Variants in CLUAP1 observed in about 807,000 individuals in gnomAD.
CLUAP1 encodes the protein intraflagellar transport 38, also known as clusterin-associated protein 1.
CLUAP1 carries 50 observed loss-of-function variants against 55.0 expected under a neutral mutation model. The ratio of observed to expected loss-of-function variants is 0.91; its 90% CI spans 0.72 to 1.15. CLUAP1 has a LOEUF of 1.15. CLUAP1 is among the 50% of genes most tolerant of loss of function. The pLI is 0.00. For missense variants in CLUAP1, 530 were observed against 507.6 expected (o/e 1.04, Z -0.42); for synonymous variants, 195 against 175.4 (o/e 1.11, Z -0.88).
At chr16:3,498,255 T>C (rs1332483898), upstream of CLUAP1, among the ~76,000 whole-genome samples, 1 of 151,968 alleles carries the variant, frequency 6.6e-6, no homozygotes, top group Non-Finnish European at 1.5e-5. Flanking sequence ...ACCCAGCAGA[T>C]TGGATGATGC....
chr16:3,495,544 A>T, the CLUAP1 span: 2 of 1,512,234 alleles, frequency 1.3e-6, no homozygotes, highest in East Asian at 2.5e-5. Context: ...CATCACGGGG[A>T]AGACTCCCAG....
intron 3 of CLUAP1, among the ~76,000 whole-genome samples, chr16:3,507,758 G>T (rs1484688943): frequency 1.3e-5 from 2 of 150,034 alleles, no homozygotes; most frequent in Non-Finnish European, 3.0e-5. Context: ...TTACACAAAT[G>T]GTACTGTATT....
intron 10 of CLUAP1, among the ~76,000 whole-genome samples, chr16:3,531,380 G>T (rs955209607): frequency 1.3e-5 from 2 of 152,116 alleles, no homozygotes; most frequent in Non-Finnish European, 2.9e-5. Flanking sequence ...AAATTAGTTG[G>T]GCGCAATGGC....
chr16:3,501,639 G>A (rs1337910000), intron 1 of CLUAP1, among the ~76,000 whole-genome samples: 3 of 152,162 alleles, frequency 2.0e-5, no homozygotes, highest in African/African-American at 4.8e-5. Flanking sequence ...AAAATTAGCC[G>A]GGGGTGGTGG....
intron 4 of CLUAP1, among the ~76,000 whole-genome samples, chr16:3,508,735 C>T (rs1226089569): frequency 6.6e-6 from 1 of 152,158 alleles, no homozygotes; most frequent in Admixed American, 6.6e-5. Flanking sequence ...TGTTTATTCT[C>T]TTCAGTTAGG....
intron 9 of CLUAP1, among the ~76,000 whole-genome samples, chr16:3,526,952 G>C (rs191791658): frequency 6.6e-6 from 1 of 152,218 alleles, no homozygotes; most frequent in African/African-American, 2.4e-5. Context: ...GAGAGGGGCC[G>C]CTCGCTTTGT....
intron 5 of CLUAP1, 141 bp from the exon 6 acceptor site, chr16:3,515,367 G>T (rs1596391183): frequency 1.7e-6 from 1 of 601,302 alleles, no homozygotes; most frequent in Non-Finnish European, 2.9e-6. Flanking sequence ...AGGAGGTGAT[G>T]GTGGCAGTGT....
Position 3,506,372 on chromosome 16 carries a change from A to T in CLUAP1, c.176A>T (p.Glu59Val), listed in dbSNP as rs1284141430. ...GACATCCCGCCTGACGTGGATACTGAACAGGACCGAGTTTTCTTCATTAAG... is the reference window on the plus strand; with the variant it reads ...GACATCCCGCCTGACGTGGATACTGTACAGGACCGAGTTTTCTTCATTAAG... ...QTDIPPDVDTEQDRVFFIKAI... is the reference protein window; with the variant it reads ...QTDIPPDVDTVQDRVFFIKAI... The change falls in exon 3 of 12, where the codon GAA becomes GTA. Residue 59 changes from glutamate to valine, a missense_variant. By Grantham distance (121) the Glu-to-Val change is moderately radical. Coordinates refer to ENST00000576634, the MANE Select transcript of CLUAP1 (RefSeq NM_015041.3). 2 of 1,614,112 alleles carry T rather than the reference A, an allele frequency of 1.2e-6. No homozygotes were observed. The highest frequency in any genetic ancestry group is 2.2e-5 in the South Asian group (2 of 91,076).
chr16:3,518,735 C>T (rs1298164261), intron 6 of CLUAP1, among the ~76,000 whole-genome samples: 1 of 152,180 alleles, frequency 6.6e-6, no homozygotes, highest in African/African-American at 2.4e-5. Context: ...ATGAAAGTAT[C>T]TTAGAAGTGG....
At chr16:3,533,034 A>G in intron 11 of CLUAP1, 193 bp downstream of exon 11, 2 of 1,456,984 alleles carry the variant, frequency 1.4e-6, no homozygotes, top group Non-Finnish European at 1.9e-6. Context: ...ATCTCTTTTC[A>G]AGTGAATGTG....
At chr16:3,497,212 G>GA (rs372521770), upstream of CLUAP1, among the ~76,000 whole-genome samples, 174 of 146,258 alleles carry the variant, frequency 1.2e-3, no homozygotes, top group Non-Finnish European at 1.6e-3. Flanking sequence ...ATTCATACTT[G>GA]AAAAAAAAAA....
Position 3,515,606 on chromosome 16 carries a change from C to T in CLUAP1, c.579+15C>T, listed in dbSNP as rs773814386. On this transcript the variant is annotated intron_variant, in intron 6 of 11. Transcript: ENST00000576634. Reference sequence around the variant, plus strand: ...AAGAGATTTTGGTAAGATGACTTTGCTTTTATATAATGTTTTTTATGCCTG... The same window carrying T: ...AAGAGATTTTGGTAAGATGACTTTGTTTTTATATAATGTTTTTTATGCCTG... 3.9e-6 allele frequency: 6 copies of T among 1,550,630 alleles called. No individual in the cohort carries two copies. Among genetic ancestry groups the T allele is most frequent in the East Asian group, 2.3e-5 (1 of 43,476 alleles).
chr16:3,518,218 T>TA (rs912461292), intron 6 of CLUAP1, among the ~76,000 whole-genome samples: 8 of 151,854 alleles, frequency 5.3e-5, no homozygotes, highest in Admixed American at 2.6e-4. Flanking sequence ...ATTTAAAAAT[T>TA]AAAAAAAAAT....
At chr16:3,503,825 G>T (rs922813351) in intron 1 of CLUAP1, among the ~76,000 whole-genome samples, 9 of 152,118 alleles carry the variant, frequency 5.9e-5, no homozygotes, top group African/African-American at 2.2e-4. Context: ...TGACTTTGCT[G>T]TTTCCTGTGC....
intron 11 of CLUAP1, chr16:3,534,351 G>C (rs1324413981): frequency 6.5e-6 from 1 of 153,192 alleles, no homozygotes; most frequent in East Asian, 1.9e-4. Flanking sequence ...CGGCACCTGG[G>C]CATGTGGAAT....
In CLUAP1 at chr16:3,514,289, C is replaced by T. The variant is rs112281103; in HGVS notation, c.496-1219C>T. The stretch of plus-strand genomic sequence containing the variant: ...GAAGTAACCAGTGGCTGAAACTGTT[C>T]CCAAGGAAACCATGAGACCCTGAAT... On this transcript the variant is annotated intron_variant, in intron 5 of 11. Transcript: ENST00000576634. 5.6e-3 allele frequency among the ~76,000 whole-genome samples: 850 copies of T among 152,304 alleles called. 3 individuals carry two copies. The highest frequency in any genetic ancestry group is 8.2e-3 in the Non-Finnish European group (560 of 68,026).
chr16:3,536,687 T>C lies in CLUAP1; in HGVS notation c.*416T>C, dbSNP rs1388691243. On this transcript the variant is annotated 3_prime_UTR_variant, in exon 12 of 12. Coordinates refer to ENST00000576634, the MANE Select transcript of CLUAP1 (RefSeq NM_015041.3). ...TCATGTTTGGAATCGTAGGGGAACA[T>C]CTGGCTGTTAATCACTTGCACAGTT... 6 of 164,336 alleles carry C rather than the reference T, an allele frequency of 3.7e-5. No individual in the cohort carries two copies. The highest frequency in any genetic ancestry group is 2.7e-5 in the Non-Finnish European group (2 of 74,956). The allele number at this position is 164,336 out of a possible 1,614,324, so 10.2% of individuals were successfully genotyped here.
intron 4 of CLUAP1, among the ~76,000 whole-genome samples, chr16:3,510,514 A>G: frequency 6.6e-6 from 1 of 152,092 alleles, no homozygotes; most frequent in Non-Finnish European, 1.5e-5. Context: ...TTGATGGTAG[A>G]TCTCACGGGA....
chr16:3,532,819 A>G lies in CLUAP1; in HGVS notation c.1070A>G (p.Gln357Arg), dbSNP rs2038153480. Residue 357 changes from glutamine to arginine, a missense_variant, in exon 11 of 12, where the codon CAA becomes CGA. Transcript: ENST00000576634. ...RPGKRIVGTM[Q>R]GGDSDDNEDS... ...GGCAAACGCATTGTGGGCACGATGC[A>G]AGGTGGAGACTCCGATGACAATGTA... 1 of 1,614,014 alleles carries G rather than the reference A, an allele frequency of 6.2e-7. No individual in the cohort carries two copies. The highest frequency in any genetic ancestry group is 1.3e-5 in the African/African-American group (1 of 74,898).
Sources: allele counts gnomAD v4.1 joint callset (sites outside exome capture counted in the v4.1 genomes callset), GRCh38; gene constraint gnomAD v4.1.1; transcripts MANE v1.5; gene names NCBI Gene and HGNC (gene_info 2026-07-23, HGNC 2026-07-21).